Variants in DLGAP2 observed in about 807,000 individuals in gnomAD.
DLGAP2 encodes DLG associated protein 2.
In DLGAP2, 26 loss-of-function variants were observed where a neutral mutation model predicts 100.3. That is an observed-to-expected ratio of 0.26 (90% CI 0.19 to 0.36). The LOEUF is 0.36. Ranked by LOEUF, DLGAP2 falls within the 10% of genes least tolerant of loss-of-function variation. The pLI is 1.00. For synonymous variants in DLGAP2, 886 were observed against 630.1 expected, an observed-to-expected ratio of 1.41 and a Z score of -6.08; for missense variants, 1,858 against 1,453.2, an observed-to-expected ratio of 1.28 and a Z score of -4.53.
At chr8:1,342,950 T>A (rs111918209) in intron 3 of DLGAP2, among the ~76,000 whole-genome samples, 16,335 of 152,246 alleles carry the variant, frequency 0.11, 1,033 homozygotes, top group African/African-American at 0.17. Context: ...TTTTCCGTAA[T>A]TGTAGCCTCT....
At chr8:1,198,684 G>A (rs960535522) in intron 2 of DLGAP2, among the ~76,000 whole-genome samples, 1 of 152,182 alleles carries the variant, frequency 6.6e-6, no homozygotes, top group African/African-American at 2.4e-5. Flanking sequence ...CATGTCCATG[G>A]GTCAGGCAGG....
At chr8:996,654 T>A (rs542161893) in intron 2 of DLGAP2, among the ~76,000 whole-genome samples, 1 of 152,328 alleles carries the variant, frequency 6.6e-6, no homozygotes, top group East Asian at 1.9e-4. Flanking sequence ...GTCTGTTCAG[T>A]AGTTTTCAGC....
chr8:866,497 C>G (rs1411340478), intron 1 of DLGAP2, among the ~76,000 whole-genome samples: 2 of 152,126 alleles, frequency 1.3e-5, no homozygotes, highest in Non-Finnish European at 2.9e-5. Flanking sequence ...CTGATCAGTC[C>G]CCACCTTCTG....
At chr8:1,386,181 T>A (rs1796215760) in intron 3 of DLGAP2, among the ~76,000 whole-genome samples, 1 of 152,082 alleles carries the variant, frequency 6.6e-6, no homozygotes, top group Non-Finnish European at 1.5e-5. Flanking sequence ...CAACATATGA[T>A]GACAAAGCTC....
At chr8:1,464,505 C>A (rs1046037017) in intron 3 of DLGAP2, among the ~76,000 whole-genome samples, 3 of 147,058 alleles carry the variant, frequency 2.0e-5, no homozygotes, top group African/African-American at 7.5e-5. Flanking sequence ...CCTTCCAGGA[C>A]GGCACCCTTC....
At chr8:1,219,735 G>A (rs558696636) in intron 2 of DLGAP2, among the ~76,000 whole-genome samples, 14 of 152,140 alleles carry the variant, frequency 9.2e-5, no homozygotes, top group African/African-American at 2.4e-4. Flanking sequence ...CTGTGAATCC[G>A]TATGTCCCAG....
At chr8:1,564,312 A>T (rs374964247) in intron 5 of DLGAP2, among the ~76,000 whole-genome samples, 1 of 152,128 alleles carries the variant, frequency 6.6e-6, no homozygotes, top group African/African-American at 2.4e-5. Context: ...GCTCATGGCT[A>T]TGTTGGGTTT....
chr8:1,633,638 C>T (rs1320595889), intron 8 of DLGAP2, among the ~76,000 whole-genome samples: 2 of 152,132 alleles, frequency 1.3e-5, no homozygotes, highest in African/African-American at 4.8e-5. Context: ...TATTTTACTG[C>T]CTAATATGTT....
At chr8:1,678,800 T>A in intron 12 of DLGAP2, 171 bp downstream of exon 12, 2 of 738,080 alleles carry the variant, frequency 2.7e-6, no homozygotes, top group South Asian at 7.1e-5. Context: ...ATAAATTACA[T>A]GAAAAGAGAA....
chr8:1,575,785 A>G (rs1802945677), intron 6 of DLGAP2, among the ~76,000 whole-genome samples: 1 of 151,836 alleles, frequency 6.6e-6, no homozygotes, highest in African/African-American at 2.4e-5. Flanking sequence ...ATGTCCCTAC[A>G]AAGGACATGA....
chr8:1,355,921 C>A (rs1027465435), intron 3 of DLGAP2, among the ~76,000 whole-genome samples: 1 of 152,170 alleles, frequency 6.6e-6, no homozygotes, highest in East Asian at 1.9e-4. Flanking sequence ...AAGCACATTC[C>A]ATGCACAGGC....
intron 3 of DLGAP2, among the ~76,000 whole-genome samples, chr8:1,407,790 A>T (rs566111572): frequency 2.9e-5 from 4 of 139,936 alleles, no homozygotes; most frequent in Admixed American, 7.1e-5. Context: ...CCACCTCCTC[A>T]TCCTCCGGGG....
chr8:1,519,612 A>G (rs192747051), intron 4 of DLGAP2, among the ~76,000 whole-genome samples: 1 of 152,150 alleles, frequency 6.6e-6, no homozygotes, highest in African/African-American at 2.4e-5. Flanking sequence ...CTCCCCATGC[A>G]CCTTCCCCAT....
intron 2 of DLGAP2, among the ~76,000 whole-genome samples, chr8:1,082,653 G>A (rs1442160732): frequency 6.6e-6 from 1 of 152,234 alleles, no homozygotes; most frequent in African/African-American, 2.4e-5. Flanking sequence ...AGAAAGATGA[G>A]AAGGGCTTAT....
chr8:1,119,528 A>C (rs1428613683), intron 2 of DLGAP2, among the ~76,000 whole-genome samples: 2 of 152,214 alleles, frequency 1.3e-5, no homozygotes, highest in African/African-American at 2.4e-5. Flanking sequence ...CTTCTTCAGC[A>C]GATCGGGGTA....
chr8:812,134 A>G (rs183611169), intron 1 of DLGAP2, among the ~76,000 whole-genome samples: 6 of 152,324 alleles, frequency 3.9e-5, no homozygotes, highest in Admixed American at 3.9e-4. Flanking sequence ...TAATGCGAGG[A>G]AGTGGCTTGC....
intron 4 of DLGAP2, among the ~76,000 whole-genome samples, chr8:1,513,471 C>T (rs1422296970): frequency 2.0e-5 from 3 of 152,214 alleles, no homozygotes; most frequent in Non-Finnish European, 2.9e-5. Flanking sequence ...CTGGTGGGAG[C>T]GGTGCAAGCA....
At chr8:1,242,607 C>T (rs1047708382) in intron 2 of DLGAP2, among the ~76,000 whole-genome samples, 1 of 152,226 alleles carries the variant, frequency 6.6e-6, no homozygotes, top group Non-Finnish European at 1.5e-5. Flanking sequence ...TGCGCCACTC[C>T]TCTGTGGCAC....
rs574066753 is a variant in DLGAP2 at position 806,017 on chromosome 8, A to G, written c.18+68192A>G. ...CCGTTTTGAGGAAGAAAAAGATAGA[A>G]TGATGCATTTTGCCAATTCCTTTTA... On this transcript the variant is annotated intron_variant, in intron 1 of 14. Transcript: ENST00000637795. Among the ~76,000 whole-genome samples the G allele has an allele frequency of 2.6e-4, 40 of 152,370 alleles. No homozygotes were observed. The South Asian group carries it at 8.1e-3, about 31-fold the overall frequency.
Sources: gnomAD v4.1 joint callset for allele counts (sites outside exome capture counted in the v4.1 genomes callset) on GRCh38, gnomAD v4.1.1 for gene constraint, MANE v1.5 for transcripts, NCBI Gene and HGNC (gene_info 2026-07-23, HGNC 2026-07-21) for gene names.